Variants in MRPS5 observed in about 807,000 individuals in gnomAD.
The protein encoded by MRPS5 is small ribosomal subunit protein uS5m.
MRPS5 carries 27 observed loss-of-function variants against 51.9 expected under a neutral mutation model. The ratio of observed to expected loss-of-function variants is 0.52; its 90% CI spans 0.38 to 0.72. MRPS5 has a LOEUF of 0.72. Ranked by LOEUF, MRPS5 falls within the 30% of genes least tolerant of loss-of-function variation. The pLI is 0.00. For synonymous variants in MRPS5, 196 were observed against 193.2 expected (o/e 1.01, Z -0.12); for missense variants, 570 against 545.7 (o/e 1.04, Z -0.44).
intron 1 of MRPS5, among the ~76,000 whole-genome samples, 154 bp from the exon 2 acceptor site, chr2:95,118,099 A>G (rs1437823280): frequency 2.0e-5 from 3 of 152,182 alleles, no homozygotes; most frequent in Non-Finnish European, 4.4e-5. Context: ...AGTAGCTGAC[A>G]CCATACCTCA....
chr2:95,120,371 T>C (rs1676405922), intron 1 of MRPS5, among the ~76,000 whole-genome samples: 1 of 152,196 alleles, frequency 6.6e-6, no homozygotes, highest in Non-Finnish European at 1.5e-5. Context: ...ATTCTACTTA[T>C]ATGTAATGTC....
At chr2:95,111,934 T>C (rs1676132820) in intron 3 of MRPS5, among the ~76,000 whole-genome samples, 1 of 152,194 alleles carries the variant, frequency 6.6e-6, no homozygotes, top group Non-Finnish European at 1.5e-5. Context: ...TTACCTCAGG[T>C]CTAAGATTCT....
At chr2:95,117,843 T>C in intron 2 of MRPS5, 22 bp downstream of exon 2, 2 of 1,560,372 alleles carry the variant, frequency 1.3e-6, no homozygotes, top group Non-Finnish European at 8.7e-7. Context: ...TGAGAAAAGG[T>C]AGTAGCATTA....
At chr2:95,109,857 A>C (rs2104419981) in intron 4 of MRPS5, 59 bp downstream of exon 4, 2 of 1,564,598 alleles carry the variant, frequency 1.3e-6, no homozygotes, top group Non-Finnish European at 1.7e-6. Context: ...TAAAATATCT[A>C]TAAAATCTGG....
Position 95,121,348 on chromosome 2 carries a change from A to G in MRPS5, c.58+386T>C, listed in dbSNP as rs534168564. On this transcript the variant is annotated intron_variant, in intron 1 of 11. Transcript: ENST00000272418. ...ACAGAAAATGCAAAGTCAATCACGG[A>G]GCGTCTCCTAGAGATAAACGTTATG... Among the ~76,000 whole-genome samples, 161 of 152,322 alleles carry G rather than the reference A, an allele frequency of 1.1e-3. 1 individual carries two copies. Among genetic ancestry groups the G allele is most frequent in the Non-Finnish European group, 1.3e-3 (91 of 68,020 alleles).
chr2:95,108,916 T>C (rs1461958934), intron 4 of MRPS5, among the ~76,000 whole-genome samples: 1 of 152,172 alleles, frequency 6.6e-6, no homozygotes, highest in African/African-American at 2.4e-5. Context: ...GCTATTTATA[T>C]ATAAATTAAT....
intron 2 of MRPS5, among the ~76,000 whole-genome samples, chr2:95,117,477 C>G (rs556602555): frequency 1.3e-5 from 2 of 150,374 alleles, no homozygotes; most frequent in Admixed American, 1.3e-4. Flanking sequence ...CAAAATTGTG[C>G]TTCTTACTAT....
At chr2:95,115,785 G>A (rs1676269050) in intron 2 of MRPS5, among the ~76,000 whole-genome samples, 1 of 152,080 alleles carries the variant, frequency 6.6e-6, no homozygotes, top group Non-Finnish European at 1.5e-5. Flanking sequence ...TAATGAATTA[G>A]TCAATAAAAA....
In MRPS5 at chr2:95,085,755, G is replaced by A. The variant is rs1028522618; in HGVS notation, c.*1602C>T. 2.0e-5 allele frequency among the ~76,000 whole-genome samples: 3 copies of A among 152,142 alleles called. No individual in the cohort carries two copies. Among genetic ancestry groups the A allele is most frequent in the African/African-American group, 7.2e-5 (3 of 41,424 alleles). On this transcript the variant is annotated 3_prime_UTR_variant, in exon 12 of 12. Coordinates refer to ENST00000272418, the MANE Select transcript of MRPS5 (RefSeq NM_031902.5). ...AGCACCGTCAGAGGAAGCATGCTGA[G>A]AGATTTAAATAACTCCCAGAGCTTC...
At chr2:95,119,399 CAGG>C (rs1416036340) in intron 1 of MRPS5, among the ~76,000 whole-genome samples, 1 of 152,036 alleles carries the variant, frequency 6.6e-6, no homozygotes, top group Non-Finnish European at 1.5e-5. Flanking sequence ...TGCTTGAGCC[CAGG>C]AGTTCAAAAC....
intron 3 of MRPS5, among the ~76,000 whole-genome samples, chr2:95,113,174 T>C (rs1047954741): frequency 6.6e-6 from 1 of 151,690 alleles, no homozygotes; most frequent in African/African-American, 2.4e-5. Context: ...GGGAAAAGGC[T>C]ATTAAAAAAT....
At chr2:95,113,164 G>C (rs1278911488) in intron 3 of MRPS5, among the ~76,000 whole-genome samples, 1 of 151,844 alleles carries the variant, frequency 6.6e-6, no homozygotes, top group Non-Finnish European at 1.5e-5. Context: ...TTTTAGAACA[G>C]GGAAAAGGCT....
chr2:95,114,074 C>T (rs1327700411), intron 3 of MRPS5, among the ~76,000 whole-genome samples: 1 of 132,766 alleles, frequency 7.5e-6, no homozygotes, highest in Non-Finnish European at 1.6e-5. Context: ...GAGCCGAGAT[C>T]GCACTACTGT....
In MRPS5 at chr2:95,087,124, T is replaced by C; in HGVS notation, c.*233A>G. On this transcript the variant is annotated 3_prime_UTR_variant, in exon 12 of 12. Coordinates refer to ENST00000272418, the MANE Select transcript of MRPS5 (RefSeq NM_031902.5). Reference sequence around the variant, plus strand: ...CCTAATTCATTTACTTTTGTTACTTTGGATGAATATTTAAAGTAGTCTTGA... The same window carrying C: ...CCTAATTCATTTACTTTTGTTACTTCGGATGAATATTTAAAGTAGTCTTGA... 2.3e-6 allele frequency: 1 copy of C among 438,766 alleles called. No homozygotes were observed. The highest frequency in any genetic ancestry group is 4.0e-6 in the Non-Finnish European group (1 of 249,884). The allele number at this position is 438,766 out of a possible 1,614,324, so 27.2% of individuals were successfully genotyped here.
chr2:95,089,478 C>G (rs1441758507), intron 11 of MRPS5, among the ~76,000 whole-genome samples: 2 of 152,210 alleles, frequency 1.3e-5, no homozygotes, highest in Admixed American at 1.3e-4. Context: ...GGCCAGCCCT[C>G]CTGGGCAGGT....
At chr2:95,107,761 A>AT (rs1290110754) in intron 5 of MRPS5, among the ~76,000 whole-genome samples, 1 of 152,094 alleles carries the variant, frequency 6.6e-6, no homozygotes, top group African/African-American at 2.4e-5. Context: ...TTTTTGCTTC[A>AT]TTTGTGTTTT....
intron 10 of MRPS5, chr2:95,093,274 C>T (rs1399288750): frequency 2.0e-5 from 3 of 152,412 alleles, no homozygotes; most frequent in Non-Finnish European, 2.9e-5. Flanking sequence ...CACCTCTGTG[C>T]ACAGGGCATA....
intron 2 of MRPS5, among the ~76,000 whole-genome samples, chr2:95,117,046 C>A (rs1040379354): frequency 1.3e-5 from 2 of 151,738 alleles, no homozygotes; most frequent in African/African-American, 4.8e-5. Context: ...GAGGCTGAGG[C>A]AGGAGAATCG....
chr2:95,121,805 C>G lies in MRPS5; in HGVS notation c.-14G>C. The G allele has an allele frequency of 1.3e-6, 2 of 1,536,444 alleles. No homozygotes were observed. Among genetic ancestry groups the G allele is most frequent in the East Asian group, 2.5e-5 (1 of 39,808 alleles). ...CGCGGTCGCCATGCTGGAGTCCGAG[C>G]CGCGCCTCGGCCTCCGCCCAGGGCA... On this transcript the variant is annotated 5_prime_UTR_variant, in exon 1 of 12. Coordinates refer to ENST00000272418, the MANE Select transcript of MRPS5 (RefSeq NM_031902.5).
Sources: allele counts gnomAD v4.1 joint callset (sites outside exome capture counted in the v4.1 genomes callset), GRCh38; gene constraint gnomAD v4.1.1; transcripts MANE v1.5; gene names NCBI Gene and HGNC (gene_info 2026-07-23, HGNC 2026-07-21).